LDB2: variants seen among roughly 807,000 people sequenced by gnomAD.
The protein encoded by LDB2 is LIM domain-binding protein 2.
LDB2 carries 12 observed loss-of-function variants against 44.3 expected under a neutral mutation model. The ratio of observed to expected loss-of-function variants is 0.27; its 90% CI spans 0.17 to 0.44. LDB2 has a LOEUF of 0.44. Ranked by LOEUF, LDB2 falls within the 20% of genes least tolerant of loss-of-function variation. The probability of loss-of-function intolerance (pLI) is 1.00; values close to 1 mark genes in which losing one functional copy is unlikely to be tolerated. For missense variants in LDB2, 344 were observed against 473.5 expected (o/e 0.73, Z 2.54); for synonymous variants, 164 against 174.8 (o/e 0.94, Z 0.49).
intron 2 of LDB2, among the ~76,000 whole-genome samples, chr4:16,710,133 T>A (rs971004773): frequency 6.6e-6 from 1 of 152,172 alleles, no homozygotes; most frequent in Non-Finnish European, 1.5e-5. Flanking sequence ...GAGTTTAAAG[T>A]GGAGACTGAT....
chr4:16,523,769 T>A (rs995904371), intron 5 of LDB2, among the ~76,000 whole-genome samples: 3 of 152,214 alleles, frequency 2.0e-5, no homozygotes, highest in Non-Finnish European at 4.4e-5. Context: ...TGGGGTTTCA[T>A]CACGCTACTC....
At chr4:16,782,352 C>CTTTT (rs113490072) in intron 1 of LDB2, among the ~76,000 whole-genome samples, 2 of 143,450 alleles carry the variant, frequency 1.4e-5, no homozygotes, top group Non-Finnish European at 3.1e-5. Flanking sequence ...AAAATAAATA[C>CTTTT]TTTTTTTTTT....
chr4:16,872,902 A>C (rs1311848992), intron 1 of LDB2, among the ~76,000 whole-genome samples: 1 of 152,224 alleles, frequency 6.6e-6, no homozygotes, highest in Admixed American at 6.5e-5. Context: ...CACTATATTC[A>C]AAGCAAGGCT....
At chr4:16,861,747 T>C (rs1451808719) in intron 1 of LDB2, among the ~76,000 whole-genome samples, 1 of 152,270 alleles carries the variant, frequency 6.6e-6, no homozygotes, top group East Asian at 1.9e-4. Context: ...GCCCTAGCCA[T>C]ATGGTAGCAA....
At chr4:16,814,304 TC>T (rs1780507130) in intron 1 of LDB2, among the ~76,000 whole-genome samples, 2 of 152,188 alleles carry the variant, frequency 1.3e-5, no homozygotes, top group African/African-American at 2.4e-5. Flanking sequence ...ACTCGTCTGT[TC>T]CAGGGCAACC....
At chr4:16,834,042 T>C (rs993507020) in intron 1 of LDB2, among the ~76,000 whole-genome samples, 38 of 152,344 alleles carry the variant, frequency 2.5e-4, no homozygotes, top group Middle Eastern at 3.4e-3. Flanking sequence ...CTGGCCATTC[T>C]CTCTACAGTA....
At chr4:16,554,167 C>A (rs760644489) in intron 5 of LDB2, among the ~76,000 whole-genome samples, 1 of 151,850 alleles carries the variant, frequency 6.6e-6, no homozygotes, top group Non-Finnish European at 1.5e-5. Context: ...TCTCTTGCCT[C>A]AGCCTCACGA....
chr4:16,627,979 C>T (rs1037743501), intron 2 of LDB2, among the ~76,000 whole-genome samples: 5 of 152,174 alleles, frequency 3.3e-5, no homozygotes, highest in African/African-American at 1.2e-4. Context: ...GAGTCAAATT[C>T]TGCCCCTTTT....
At position 16,704,082 on chromosome 4, in the gene LDB2, T is replaced by C. The variant is rs554977914; in HGVS notation, c.235+55076A>G. 1.5e-3 allele frequency among the ~76,000 whole-genome samples: 235 copies of C among 152,186 alleles called. 2 individuals are homozygous for C. Among genetic ancestry groups the C allele is most frequent in the African/African-American group, 5.5e-3 (229 of 41,514 alleles). On this transcript the variant is annotated intron_variant, in intron 2 of 7. Coordinates refer to ENST00000304523, the MANE Select transcript of LDB2 (RefSeq NM_001290.5). ...TCCTCCCTGGAATCTGCATCTTGAGTAGAGTCAACAAGACTGAAAAAAAGG... is the reference window on the plus strand; with the variant it reads ...TCCTCCCTGGAATCTGCATCTTGAGCAGAGTCAACAAGACTGAAAAAAAGG...
chr4:16,676,718 G>A (rs1163514925), intron 2 of LDB2, among the ~76,000 whole-genome samples: 1 of 152,216 alleles, frequency 6.6e-6, no homozygotes, highest in African/African-American at 2.4e-5. Flanking sequence ...GTAAGAATGG[G>A]ACACTTGCTT....
chr4:16,579,022 G>A (rs898239067), intron 5 of LDB2, among the ~76,000 whole-genome samples: 12 of 152,196 alleles, frequency 7.9e-5, no homozygotes, highest in Non-Finnish European at 1.5e-4. Context: ...AGAGAGTGGG[G>A]ATGGTCACCA....
chr4:16,708,331 A>G (rs1206672677), intron 2 of LDB2, among the ~76,000 whole-genome samples: 1 of 152,110 alleles, frequency 6.6e-6, no homozygotes, highest in Non-Finnish European at 1.5e-5. Flanking sequence ...AAATTAATAA[A>G]TAAATTTTGA....
intron 1 of LDB2, among the ~76,000 whole-genome samples, chr4:16,873,062 A>G (rs1390521355): frequency 6.6e-6 from 1 of 152,140 alleles, no homozygotes; most frequent in Non-Finnish European, 1.5e-5. Flanking sequence ...GGTGGTAAAG[A>G]TGCTGTGAAG....
At chr4:16,596,412 C>T (rs1446299954) in intron 2 of LDB2, among the ~76,000 whole-genome samples, 2 of 151,904 alleles carry the variant, frequency 1.3e-5, no homozygotes, top group Non-Finnish European at 2.9e-5. Context: ...GACTGAGATC[C>T]GAAAATGTTA....
At chr4:16,716,966 A>C (rs989721667) in intron 2 of LDB2, among the ~76,000 whole-genome samples, 10 of 152,114 alleles carry the variant, frequency 6.6e-5, no homozygotes, top group Non-Finnish European at 1.5e-4. Context: ...AAGGGGATTT[A>C]ATTTAAAATT....
Position 16,798,840 on chromosome 4 carries a change from T to G in LDB2, c.133-39580A>C, listed in dbSNP as rs1488603004. ...CAGTGCTTATTCAGCATGACTGGGG[T>G]TTTCTTTTTATTTATTTATTTATTT... On this transcript the variant is annotated intron_variant, in intron 1 of 7. Coordinates refer to ENST00000304523, the MANE Select transcript of LDB2 (RefSeq NM_001290.5). 4.6e-5 allele frequency among the ~76,000 whole-genome samples: 7 copies of G among 152,080 alleles called. No homozygotes were observed. In the East Asian group the frequency reaches 1.4e-3, roughly 29 times the overall value.
intron 1 of LDB2, among the ~76,000 whole-genome samples, chr4:16,808,901 T>A (rs1163338286): frequency 6.6e-6 from 1 of 152,176 alleles, no homozygotes; most frequent in Non-Finnish European, 1.5e-5. Context: ...CTTGCATGAA[T>A]GGGATTGTCA....
chr4:16,785,262 C>A (rs1258310892), intron 1 of LDB2, among the ~76,000 whole-genome samples: 1 of 151,950 alleles, frequency 6.6e-6, no homozygotes, highest in Non-Finnish European at 1.5e-5. Flanking sequence ...TTTGGAACAC[C>A]CCAGGCCACA....
intron 5 of LDB2, among the ~76,000 whole-genome samples, chr4:16,584,053 A>G (rs533866149): frequency 1.3e-5 from 2 of 152,206 alleles, no homozygotes; most frequent in Non-Finnish European, 2.9e-5. Context: ...GAAATAAAGT[A>G]GCATTAGACA....
Sources: allele counts gnomAD v4.1 joint callset (sites outside exome capture counted in the v4.1 genomes callset), GRCh38; gene constraint gnomAD v4.1.1; transcripts MANE v1.5; gene names NCBI Gene and HGNC (gene_info 2026-07-23, HGNC 2026-07-21).